Variants in ENOX1 observed in about 807,000 individuals in gnomAD.
The protein encoded by ENOX1 is ecto-NOX disulfide-thiol exchanger 1, also known as candidate growth-related and time keeping constitutive hydroquinone (NADH) oxidase.
Under a neutral mutation model 82.5 loss-of-function variants are expected in ENOX1, and 42 were observed. The ratio of observed to expected loss-of-function variants is 0.51; its 90% confidence interval spans 0.40 to 0.66. The LOEUF is 0.66. Among genes scored for constraint, ENOX1 ranks in the 30% least tolerant of loss-of-function variants. ENOX1 has a pLI of 0.00. For missense variants in ENOX1, 608 were observed against 811.6 expected (o/e 0.75, Z 3.05); for synonymous variants, 271 against 282.2 (o/e 0.96, Z 0.40).
At chr13:43,691,834 G>A (rs962819540) in intron 1 of ENOX1, among the ~76,000 whole-genome samples, 6 of 151,862 alleles carry the variant, frequency 4.0e-5, no homozygotes, top group African/African-American at 1.5e-4. Context: ...CTAACTAGCT[G>A]GGACTATAGG....
At chr13:43,291,923 G>C (rs765635069) in intron 12 of ENOX1, among the ~76,000 whole-genome samples, 6 of 152,174 alleles carry the variant, frequency 3.9e-5, no homozygotes, top group Admixed American at 2.0e-4. Context: ...GCCTGTCAAA[G>C]AGCTCTTGGC....
intron 2 of ENOX1, among the ~76,000 whole-genome samples, chr13:43,504,358 T>C (rs1251033903): frequency 6.6e-6 from 1 of 151,748 alleles, no homozygotes; most frequent in Non-Finnish European, 1.5e-5. Context: ...CACAAAGAGA[T>C]TTCTGCACTA....
chr13:43,262,519 C>T (rs192651548), intron 14 of ENOX1, among the ~76,000 whole-genome samples: 3 of 152,304 alleles, frequency 2.0e-5, no homozygotes, highest in African/African-American at 7.2e-5. Context: ...GTCCTGTCTG[C>T]TATATTAAAT....
intron 11 of ENOX1, among the ~76,000 whole-genome samples, chr13:43,307,514 T>G (rs989152092): frequency 6.6e-6 from 1 of 152,198 alleles, no homozygotes; most frequent in Non-Finnish European, 1.5e-5. Flanking sequence ...CTTCATGACT[T>G]TCTTCTAGTC....
intron 1 of ENOX1, among the ~76,000 whole-genome samples, chr13:43,758,014 T>C (rs113311313): frequency 0.015 from 2,277 of 152,026 alleles, 52 homozygotes; most frequent in African/African-American, 0.05. Flanking sequence ...GCAAGCAGAT[T>C]ACTTCAGGTC....
intron 11 of ENOX1, among the ~76,000 whole-genome samples, chr13:43,320,630 T>C (rs1410452897): frequency 1.3e-5 from 2 of 152,144 alleles, no homozygotes; most frequent in Non-Finnish European, 2.9e-5. Context: ...ACTTGGGAAA[T>C]TGACAAGTTA....
intron 1 of ENOX1, among the ~76,000 whole-genome samples, chr13:43,754,272 CACAT>C (rs1446831116): frequency 6.8e-6 from 1 of 147,222 alleles, no homozygotes; most frequent in Admixed American, 6.9e-5. Flanking sequence ...TATACACACA[CACAT>C]ATATACATAT....
In ENOX1 at chr13:43,768,039, G is replaced by T. The variant is rs568921361; in HGVS notation, c.-285+18613C>A. 9.2e-5 allele frequency among the ~76,000 whole-genome samples: 14 copies of T among 152,274 alleles called. No homozygotes were observed. In the South Asian group the frequency reaches 2.7e-3, roughly 29 times the overall value. ...TCTAAATGTCAAATGAACTGGTTCT[G>T]TATTACATAACTCCATTCCAGTGAG... On this transcript the variant is annotated intron_variant, in intron 1 of 16. Coordinates refer to ENST00000690772, the MANE Select transcript of ENOX1 (RefSeq NM_001347969.2).
intron 1 of ENOX1, among the ~76,000 whole-genome samples, chr13:43,690,473 A>T (rs1054284151): frequency 6.6e-5 from 10 of 151,976 alleles, no homozygotes; most frequent in African/African-American, 2.2e-4. Context: ...ACTTAATGAC[A>T]CCCAGTTGGC....
chr13:43,537,492 C>T (rs992816948), intron 2 of ENOX1, among the ~76,000 whole-genome samples: 21 of 152,292 alleles, frequency 1.4e-4, no homozygotes, highest in Middle Eastern at 3.4e-3. Flanking sequence ...GTAACTGTTA[C>T]TGTGATTTGT....
At chr13:43,298,226 T>A in intron 12 of ENOX1, 120 bp downstream of exon 12, 1 of 1,071,750 alleles carries the variant, frequency 9.3e-7, no homozygotes, top group Non-Finnish European at 1.3e-6. Context: ...CCTAGTAACA[T>A]AGCTTTTTGG....
chr13:43,557,720 C>T (rs541662508), intron 2 of ENOX1, among the ~76,000 whole-genome samples: 1 of 152,132 alleles, frequency 6.6e-6, no homozygotes, highest in Non-Finnish European at 1.5e-5. Flanking sequence ...ATCATTTGAG[C>T]CCAGGCATTC....
chr13:43,236,048 C>T (rs954258240), intron 15 of ENOX1, among the ~76,000 whole-genome samples: 16 of 152,172 alleles, frequency 1.1e-4, no homozygotes, highest in South Asian at 2.1e-4. Context: ...AATTCTTCCT[C>T]GTGAAAATAA....
chr13:43,716,122 G>A (rs908432412), intron 1 of ENOX1, among the ~76,000 whole-genome samples: 3 of 152,210 alleles, frequency 2.0e-5, no homozygotes, highest in Non-Finnish European at 4.4e-5. Flanking sequence ...TCCTTTGAAG[G>A]AGGAGAGGCG....
intron 14 of ENOX1, among the ~76,000 whole-genome samples, chr13:43,244,257 G>A (rs556620146): frequency 7.8e-4 from 119 of 151,750 alleles, no homozygotes; most frequent in Non-Finnish European, 4.6e-4. Context: ...GTGAGACAGC[G>A]CTTTCAAAAA....
At chr13:43,541,091 GTTCT>G (rs2078688002) in intron 2 of ENOX1, among the ~76,000 whole-genome samples, 1 of 144,462 alleles carries the variant, frequency 6.9e-6, no homozygotes, top group East Asian at 2.2e-4. Context: ...TCTTATTTCT[GTTCT>G]TTAATATTTA....
At chr13:43,264,266 A>G (rs943410218) in intron 14 of ENOX1, among the ~76,000 whole-genome samples, 1 of 152,230 alleles carries the variant, frequency 6.6e-6, no homozygotes, top group Non-Finnish European at 1.5e-5. Flanking sequence ...TCTGGATTTC[A>G]AACTACATCA....
At chr13:43,276,422 T>A (rs1007523708) in intron 12 of ENOX1, among the ~76,000 whole-genome samples, 1 of 152,154 alleles carries the variant, frequency 6.6e-6, no homozygotes. Context: ...GAGCTTGAGA[T>A]GGAAGTATAC....
At chr13:43,441,773 G>C (rs1490456427) in intron 3 of ENOX1, among the ~76,000 whole-genome samples, 1 of 151,774 alleles carries the variant, frequency 6.6e-6, no homozygotes, top group Admixed American at 6.6e-5. Context: ...ATAAAAGTTG[G>C]ACAAGATCTC....
Sources: allele counts gnomAD v4.1 joint callset (sites outside exome capture counted in the v4.1 genomes callset), GRCh38; gene constraint gnomAD v4.1.1; transcripts MANE v1.5; gene names NCBI Gene and HGNC (gene_info 2026-07-23, HGNC 2026-07-21).